ELK4: variants seen among roughly 807,000 people sequenced by gnomAD.
ELK4 encodes the protein ETS domain-containing protein Elk-4.
Under a neutral mutation model 29.6 loss-of-function variants are expected in ELK4, and 16 were observed. The observed-to-expected ratio is 0.54, with a 90% confidence interval of 0.37 to 0.82. ELK4 has a LOEUF of 0.82. Ranked by LOEUF, ELK4 falls within the 40% of genes least tolerant of loss-of-function variation. ELK4 has a pLI of 0.00. For synonymous variants in ELK4, 213 were observed against 191.1 expected, an observed-to-expected ratio of 1.11 and a Z score of -0.95; for missense variants, 465 against 507.1, an observed-to-expected ratio of 0.92 and a Z score of 0.80.
At chr1:205,623,029 C>G (rs983420156) in intron 2 of ELK4, among the ~76,000 whole-genome samples, 30 of 151,144 alleles carry the variant, frequency 2.0e-4, no homozygotes, top group African/African-American at 6.8e-4. Flanking sequence ...GTGGTGGTGG[C>G]CACCTGTAAT....
At chr1:205,619,666 T>A in intron 3 of ELK4, 1 of 1,367,896 alleles carries the variant, frequency 7.3e-7, no homozygotes, top group Non-Finnish European at 9.4e-7. Context: ...CACCAACGAG[T>A]TTTATAAGAC....
In ELK4 at chr1:205,608,868, C is replaced by T. The variant is rs76178755; in HGVS notation, c.*7678G>A. The T allele has an allele frequency of 3.4e-3, 665 of 196,894 alleles. 6 individuals carry two copies. The highest frequency in any genetic ancestry group is 0.014 in the African/African-American group (627 of 43,442). The allele number at this position is 196,894 out of a possible 1,614,324, so 12.2% of individuals were successfully genotyped here. ...TGTTCTTACTACCACATATCCCAAA[C>T]TAAGACATACACATAAAATAACATA... On this transcript the variant is annotated 3_prime_UTR_variant, in exon 5 of 5. Transcript: ENST00000357992.
chr1:205,620,723 A>T lies in ELK4; in HGVS notation c.323T>A (p.Leu108Ter). The T allele has an allele frequency of 6.2e-7, 1 of 1,614,134 alleles. No individual in the cohort carries two copies. Among genetic ancestry groups the T allele is most frequent in the Non-Finnish European group, 8.5e-7 (1 of 1,180,020 alleles). ...VGRIEGDCES[L>*]NFSEVSSSSK... is the part of the protein sequence containing the mutation. Reference sequence around the variant, plus strand: ...ACTGCTGCTGACTTCACTGAAGTTTAAACTTTCACAGTCACCCTCAATCCT... The same window carrying T: ...ACTGCTGCTGACTTCACTGAAGTTTTAACTTTCACAGTCACCCTCAATCCT... The change falls in exon 3 of 5, where the codon TTA becomes TAA. Residue 108 changes from leucine (L) to a stop codon, truncating the protein, a stop_gained. Transcript: ENST00000357992. LOFTEE classifies it high-confidence loss of function.
At chr1:205,627,122 A>G (rs1670480896) in intron 1 of ELK4, among the ~76,000 whole-genome samples, 2 of 152,222 alleles carry the variant, frequency 1.3e-5, no homozygotes, top group Non-Finnish European at 2.9e-5. Flanking sequence ...AAAATAGATT[A>G]GTAATTATTT....
At position 205,614,042 on chromosome 1, in the gene ELK4, T is replaced by G. The variant is rs1298405267; in HGVS notation, c.*2504A>C. 2 of 225,322 alleles carry G rather than the reference T, an allele frequency of 8.9e-6. No homozygotes were observed. The highest frequency in any genetic ancestry group is 4.5e-5 in the African/African-American group (2 of 44,884). 14.0% of individuals were successfully genotyped at this position (225,322 alleles called of 1,614,324 possible). A position where few individuals can be genotyped will look rare whatever the true frequency, so the allele number is the denominator to read the frequency against. ...ACACCTGCAGTAAGGTTGTAAACTT[T>G]GACTTAAAAAAGGATACGCACACAC... is the stretch of plus-strand genomic sequence containing the variant. On this transcript the variant is annotated 3_prime_UTR_variant, in exon 5 of 5. Coordinates refer to ENST00000357992, the MANE Select transcript of ELK4 (RefSeq NM_001973.4).
At chr1:205,622,646 A>C (rs145313358) in intron 2 of ELK4, among the ~76,000 whole-genome samples, 1 of 152,288 alleles carries the variant, frequency 6.6e-6, no homozygotes, top group South Asian at 2.1e-4. Flanking sequence ...AGCCTCCCAA[A>C]GTGCTGGCAT....
At chr1:205,621,651 G>A (rs535697172) in intron 2 of ELK4, among the ~76,000 whole-genome samples, 64 of 152,026 alleles carry the variant, frequency 4.2e-4, no homozygotes, top group African/African-American at 1.4e-3. Context: ...TCCCAAGTAG[G>A]TGGGATTATA....
At position 205,610,718 on chromosome 1, in the gene ELK4, TATAAA is replaced by T. The variant is rs908250481; in HGVS notation, c.*5823_*5827del. ...TGCAGCAAATTTTTTTAAGTTTTAG[TATAAA>T]ATAGACTAGGAGCCATCAATGTATG... On this transcript the variant is annotated 3_prime_UTR_variant, in exon 5 of 5. Transcript: ENST00000357992. The T allele has an allele frequency of 3.9e-5, 9 of 232,074 alleles. No individual in the cohort carries two copies. Among genetic ancestry groups the T allele is most frequent in the Admixed American group, 1.7e-4 (3 of 17,724 alleles). The allele number at this position is 232,074 out of a possible 1,614,324, so 14.4% of individuals were successfully genotyped here.
Position 205,616,534 on chromosome 1 carries a change from C to A in ELK4, c.*12G>T, listed in dbSNP as rs755015685. The A allele has an allele frequency of 5.6e-6, 9 of 1,611,726 alleles. No homozygotes were observed. The Admixed American group carries it at 1.5e-4, about 27-fold the overall frequency. On this transcript the variant is annotated 3_prime_UTR_variant, in exon 5 of 5. Coordinates refer to ENST00000357992, the MANE Select transcript of ELK4 (RefSeq NM_001973.4). The stretch of plus-strand genomic sequence containing the variant: ...TTCGTTCCTCGGTTCTCTCATTCCA[C>A]AAGTGCATAGGTTATGTCTTCTGTA...
intron 4 of ELK4, among the ~76,000 whole-genome samples, chr1:205,617,979 G>GTGTGTT (rs1372246728): frequency 2.9e-5 from 4 of 137,020 alleles, no homozygotes; most frequent in African/African-American, 1.1e-4. Context: ...GTGTGTGTGT[G>GTGTGTT]TGTGTGAGAG....
At position 205,609,493 on chromosome 1, in the gene ELK4, A is replaced by G. The variant is rs1177072032; in HGVS notation, c.*7053T>C. 5.2e-6 allele frequency: 1 copy of G among 193,088 alleles called. No individual in the cohort carries two copies. Among genetic ancestry groups the G allele is most frequent in the Non-Finnish European group, 1.1e-5 (1 of 92,464 alleles). The allele number at this position is 193,088 out of a possible 1,614,324, so 12.0% of individuals were successfully genotyped here. On this transcript the variant is annotated 3_prime_UTR_variant, in exon 5 of 5. Coordinates refer to ENST00000357992, the MANE Select transcript of ELK4 (RefSeq NM_001973.4). ...CCTCAAGGAATAAAAAATTAATTGT[A>G]TTCGTTTCTTTTCTATCTTTACATA...
intron 1 of ELK4, among the ~76,000 whole-genome samples, chr1:205,629,340 C>T (rs1670531383): frequency 6.6e-6 from 1 of 152,054 alleles, no homozygotes; most frequent in Non-Finnish European, 1.5e-5. Flanking sequence ...TGAAAAGCAG[C>T]CAACGTCTTC....
At chr1:205,625,930 G>A in intron 1 of ELK4, 1 of 790,772 alleles carries the variant, frequency 1.3e-6, no homozygotes, top group Non-Finnish European at 2.3e-6. Flanking sequence ...GCCTGCCTTG[G>A]CCTCCCAAAA....
Position 205,631,695 on chromosome 1 carries a change from A to G in ELK4, c.-73T>C. ...GAACACGATGCGCCTCTCCGCCCTC[A>G]GCCTCCTCCTCACGCTGGAAACTCG... On this transcript the variant is annotated 5_prime_UTR_variant, in exon 1 of 5. Coordinates refer to ENST00000357992, the MANE Select transcript of ELK4 (RefSeq NM_001973.4). 2.9e-6 allele frequency: 1 copy of G among 342,422 alleles called. No homozygotes were observed. Among genetic ancestry groups the G allele is most frequent in the Non-Finnish European group, 6.0e-6 (1 of 166,040 alleles). 21.2% of individuals were successfully genotyped at this position (342,422 alleles called of 1,614,324 possible). A position where few individuals can be genotyped will look rare whatever the true frequency, so the allele number is the denominator to read the frequency against.
chr1:205,616,610 G>A lies in ELK4; in HGVS notation c.1232C>T (p.Thr411Ile), dbSNP rs192312174. ...PSVLNSHGPF[T>I]LSGLDGPSTP... ...GGAAGGTCCATCCAGCCCAGACAGAGTGAATGGCCCATGACTGTTCAGTAC... is the reference window on the plus strand; with the variant it reads ...GGAAGGTCCATCCAGCCCAGACAGAATGAATGGCCCATGACTGTTCAGTAC... The change falls in exon 5 of 5, where the codon ACT becomes ATT. Residue 411 changes from threonine to isoleucine, a missense_variant. Physicochemically the swap from Thr to Ile is moderately conservative, Grantham distance 89 (BLOSUM62 -1). This residue lies in a region of ELK4 where 80 missense variants were observed against 119.6 expected (regional missense o/e 0.67). Transcript: ENST00000357992. 2 of 1,614,166 alleles carry A rather than the reference G, an allele frequency of 1.2e-6. No individual in the cohort carries two copies. The highest frequency in any genetic ancestry group is 1.7e-6 in the Non-Finnish European group (2 of 1,180,022).
rs887339198 is a variant in ELK4, at chr1:205,610,012, C to T, written c.*6534G>A. Reference sequence around the variant, plus strand: ...AAACAAACAAAATAATCATTAAGTGCTTCCAGTTATTAAAAATGAAACAGT... The same window carrying T: ...AAACAAACAAAATAATCATTAAGTGTTTCCAGTTATTAAAAATGAAACAGT... On this transcript the variant is annotated 3_prime_UTR_variant, in exon 5 of 5. Transcript: ENST00000357992. 8.7e-6 allele frequency: 2 copies of T among 230,436 alleles called. No individual in the cohort carries two copies. The highest frequency in any genetic ancestry group is 1.1e-4 in the Admixed American group (2 of 17,700). 14.3% of individuals were successfully genotyped at this position (230,436 alleles called of 1,614,324 possible).
intron 4 of ELK4, among the ~76,000 whole-genome samples, chr1:205,617,600 T>TA (rs559279562): frequency 0.018 from 2,613 of 144,692 alleles, 43 homozygotes; most frequent in South Asian, 0.036. Flanking sequence ...CTTTCTCTAT[T>TA]AAAAAAAAAA....
At chr1:205,628,794 T>TAG (rs1254499661) in intron 1 of ELK4, among the ~76,000 whole-genome samples, 1 of 151,632 alleles carries the variant, frequency 6.6e-6, no homozygotes, top group African/African-American at 2.4e-5. Context: ...TGCTTTAAGG[T>TAG]AGAACCGAGC....
In ELK4 at chr1:205,631,736, C is replaced by T. The variant is rs1248359532; in HGVS notation, c.-114G>A. On this transcript the variant is annotated 5_prime_UTR_variant, in exon 1 of 5. Coordinates refer to ENST00000357992, the MANE Select transcript of ELK4 (RefSeq NM_001973.4). ...TGGAAACTCGAGGACGGCGCGGCAG[C>T]CGCTGCGACCCCCGCGGCGGAGCCG... The T allele has an allele frequency of 6.5e-6, 2 of 306,868 alleles. No individual in the cohort carries two copies. The allele number at this position is 306,868 out of a possible 1,614,324, so 19.0% of individuals were successfully genotyped here.
Sources: allele counts gnomAD v4.1 joint callset (sites outside exome capture counted in the v4.1 genomes callset), GRCh38; gene constraint gnomAD v4.1.1; regional missense constraint gnomAD v4.1.1; transcripts MANE v1.5; gene names NCBI Gene and HGNC (gene_info 2026-07-23, HGNC 2026-07-21).